The following NQO2 variants were observed in gnomAD, a reference collection of about 807,000 sequenced individuals.
NQO2 encodes ribosyldihydronicotinamide dehydrogenase [quinone].
NQO2 carries 18 observed loss-of-function variants against 22.0 expected under a neutral mutation model. The observed-to-expected ratio is 0.82, with a 90% CI of 0.56 to 1.21. The LOEUF is 1.21. NQO2 is among the 50% of genes most tolerant of loss of function. The pLI, the probability that NQO2 is intolerant of heterozygous loss-of-function variation, is 0.00. For missense variants in NQO2, 267 were observed against 286.9 expected (o/e 0.93, Z 0.50); for synonymous variants, 106 against 110.8 (o/e 0.96, Z 0.28).
In NQO2 at chr6:3,007,104, C is replaced by T. The variant is rs146406778; in HGVS notation, c.7+545C>T. Among the ~76,000 whole-genome samples the T allele has an allele frequency of 6.1e-3, 690 of 114,006 alleles. 4 individuals are homozygous for T. The highest frequency in any genetic ancestry group is 0.021 in the African/African-American group (646 of 30,564). 74.8% of individuals were successfully genotyped at this position (114,006 alleles called of 152,430 possible). ...TACTCTATACATTATGGTGTAGATT[C>T]GGATTTTCGCCCTTGGCACCACTGA... On this transcript the variant is annotated intron_variant, in intron 2 of 6. Transcript: ENST00000380455.
At position 3,012,553 on chromosome 6, in the gene NQO2, C is replaced by G; in HGVS notation, c.182C>G (p.Ser61Cys). ...ATDKDITGTL[S>C]NPEVFNYGVE... ...GCCTCTTCCCCGACAGGTACTCTTT[C>G]TAATCCTGAGGTTTTCAATTATGGA... Residue 61 changes from serine (S) to cysteine (C), a missense_variant, in exon 4 of 7, where the codon TCT (serine) becomes TGT (cysteine). Ser to Cys is a moderately radical substitution (Grantham distance 112, BLOSUM62 -1). Transcript: ENST00000380455. 1.2e-6 allele frequency: 2 copies of G among 1,614,134 alleles called. No homozygotes were observed. The highest frequency in any genetic ancestry group is 1.1e-5 in the South Asian group (1 of 91,072).
chr6:3,012,570 A>G lies in NQO2; in HGVS notation c.199A>G (p.Asn67Asp), dbSNP rs1757171300. The change falls in exon 4 of 7, where the codon AAT (asparagine) becomes GAT (aspartate). Residue 67 changes from asparagine to aspartate, a missense_variant. Transcript: ENST00000380455. ...TACTCTTTCTAATCCTGAGGTTTTC[A>G]ATTATGGAGTGGAAACCCACGAAGC... ...TGTLSNPEVF[N>D]YGVETHEAYK... The G allele has an allele frequency of 6.2e-7, 1 of 1,614,158 alleles. No homozygotes were observed.
chr6:3,015,783 T>C (rs1481309479), intron 5 of NQO2, 140 bp downstream of exon 5: 3 of 788,452 alleles, frequency 3.8e-6, no homozygotes, highest in Admixed American at 2.6e-5. Context: ...CAAAGCACCA[T>C]GTGCTGCACA....
chr6:3,017,761 A>G (rs548566132), intron 6 of NQO2, among the ~76,000 whole-genome samples: 2 of 152,268 alleles, frequency 1.3e-5, no homozygotes, highest in Non-Finnish European at 2.9e-5. Context: ...CTAGGGGTCA[A>G]CTGTTCTTCC....
intron 6 of NQO2, among the ~76,000 whole-genome samples, chr6:3,018,833 C>CT (rs61544075): frequency 0.045 from 6,438 of 141,870 alleles, 495 homozygotes; most frequent in African/African-American, 0.16. Context: ...TTAAAAAAAT[C>CT]TTTTTTTTTT....
At chr6:3,016,778 C>T in intron 5 of NQO2, 106 bp from the exon 6 acceptor site, 1 of 1,519,706 alleles carries the variant, frequency 6.6e-7, no homozygotes, top group Non-Finnish European at 8.8e-7. Context: ...AGGGTGTCCA[C>T]ACGCATGTTC....
chr6:3,008,872 G>C (rs1263057610), intron 2 of NQO2, among the ~76,000 whole-genome samples: 1 of 152,190 alleles, frequency 6.6e-6, no homozygotes, highest in Non-Finnish European at 1.5e-5. Flanking sequence ...TGTACAAATA[G>C]AGTGTGGGTC....
At chr6:3,019,161 G>A (rs571803939) in intron 6 of NQO2, among the ~76,000 whole-genome samples, 13 of 152,118 alleles carry the variant, frequency 8.5e-5, no homozygotes, top group African/African-American at 3.1e-4. Flanking sequence ...AATCTATAGT[G>A]TGAATGTACC....
chr6:3,014,546 C>T (rs1245906231), intron 4 of NQO2, among the ~76,000 whole-genome samples: 1 of 152,186 alleles, frequency 6.6e-6, no homozygotes, highest in Non-Finnish European at 1.5e-5. Context: ...AACCCGGTGG[C>T]TGGGTAGGCT....
intron 4 of NQO2, among the ~76,000 whole-genome samples, chr6:3,014,071 T>A (rs1471347268): frequency 6.6e-6 from 1 of 152,190 alleles, no homozygotes; most frequent in African/African-American, 2.4e-5. Flanking sequence ...ACGAGAGCAC[T>A]GTTCGCATGA....
At chr6:3,008,420 A>AT (rs1209405073) in intron 2 of NQO2, among the ~76,000 whole-genome samples, 1 of 150,322 alleles carries the variant, frequency 6.7e-6, no homozygotes, top group Non-Finnish European at 1.5e-5. Context: ...TTCAAAAAAA[A>AT]AAAAAAAGAA....
At chr6:3,011,984 GT>G (rs2113451891) in intron 3 of NQO2, among the ~76,000 whole-genome samples, 1 of 152,294 alleles carries the variant, frequency 6.6e-6, no homozygotes, top group East Asian at 1.9e-4. Flanking sequence ...ATTTGAAGAT[GT>G]AAAACCCACT....
At chr6:3,014,476 C>A (rs1221107906) in intron 4 of NQO2, among the ~76,000 whole-genome samples, 1 of 152,176 alleles carries the variant, frequency 6.6e-6, no homozygotes, top group Non-Finnish European at 1.5e-5. Context: ...TCTCCTGTCC[C>A]CCTTGGGTCG....
At position 3,012,535 on chromosome 6, in the gene NQO2, C is replaced by T. The variant is rs761992034; in HGVS notation, c.173-9C>T. On this transcript the variant is annotated splice_polypyrimidine_tract_variant and intron_variant, in intron 3 of 6. Transcript: ENST00000380455. ...TAGGAGTGAGAATGTTTGGCCTCTT[C>T]CCCGACAGGTACTCTTTCTAATCCT... 3 of 1,613,820 alleles carry T rather than the reference C, an allele frequency of 1.9e-6. No individual in the cohort carries two copies. The East Asian group carries it at 6.7e-5, about 36-fold the overall frequency.
intron 6 of NQO2, among the ~76,000 whole-genome samples, chr6:3,017,994 A>AT (rs1757397823): frequency 1.3e-5 from 2 of 152,140 alleles, no homozygotes; most frequent in Admixed American, 1.3e-4. Flanking sequence ...AAACACAATG[A>AT]TTTTTCCTTC....
At chr6:3,014,167 C>G (rs1757246082) in intron 4 of NQO2, among the ~76,000 whole-genome samples, 1 of 152,196 alleles carries the variant, frequency 6.6e-6, no homozygotes, top group Admixed American at 6.5e-5. Flanking sequence ...ATGAGGTTCC[C>G]AAGCCTTCAT....
At chr6:3,000,662 C>T (rs1756655778) in intron 1 of NQO2, among the ~76,000 whole-genome samples, 1 of 151,942 alleles carries the variant, frequency 6.6e-6, no homozygotes, top group South Asian at 2.1e-4. Flanking sequence ...CTGCCTCAGC[C>T]TCCCGAGTAC....
intron 2 of NQO2, among the ~76,000 whole-genome samples, chr6:3,008,288 G>A (rs148749365): frequency 4.6e-5 from 7 of 151,776 alleles, no homozygotes; most frequent in African/African-American, 9.7e-5. Context: ...GCGTGGTGGC[G>A]CATGCCTGTA....
chr6:3,007,378 C>T (rs1356333028), intron 2 of NQO2, among the ~76,000 whole-genome samples: 2 of 152,178 alleles, frequency 1.3e-5, no homozygotes, highest in Admixed American at 6.5e-5. Context: ...AGTATAGTTC[C>T]TTTATTGAAA....
Sources: gnomAD v4.1 joint callset for allele counts (sites outside exome capture counted in the v4.1 genomes callset) on GRCh38, gnomAD v4.1.1 for gene constraint, MANE v1.5 for transcripts, NCBI Gene and HGNC (gene_info 2026-07-23, HGNC 2026-07-21) for gene names.